The following ZNFX1 variants were observed in gnomAD, a reference collection of about 807,000 sequenced individuals.
ZNFX1 encodes NFX1-type zinc finger-containing protein 1.
Under a neutral mutation model 179.8 loss-of-function variants are expected in ZNFX1, and 78 were observed. The ratio of observed to expected loss-of-function variants is 0.43; its 90% CI spans 0.36 to 0.52. The LOEUF (loss-of-function observed/expected upper bound fraction) is 0.52, where lower values mean the gene tolerates loss of function less well. Ranked by LOEUF, ZNFX1 falls within the 20% of genes least tolerant of loss-of-function variation. The pLI, the probability that ZNFX1 is intolerant of heterozygous loss-of-function variation, is 0.00. For missense variants in ZNFX1, 1,927 were observed against 2,386.6 expected, an observed-to-expected ratio of 0.81 and a Z score of 4.01; for synonymous variants, 848 against 868.5, an observed-to-expected ratio of 0.98 and a Z score of 0.42.
At position 49,275,870 on chromosome 20, in the gene ZNFX1, TTTCTG is replaced by T; in HGVS notation, c.-36_-32del. 1.2e-6 allele frequency: 2 copies of T among 1,612,938 alleles called. No homozygotes were observed. Among genetic ancestry groups the T allele is most frequent in the Non-Finnish European group, 1.7e-6 (2 of 1,178,952 alleles). On this transcript the variant is annotated 5_prime_UTR_variant, in exon 2 of 14. Transcript: ENST00000396105. ...AGTCACCTGAATTCCTTCACGTTAC[TTTCTG>T]TTATCTGGAAAACTGCACATGTTGA... is the stretch of plus-strand genomic sequence containing the variant.
chr20:49,275,203 CG>C (rs1981526906), intron 2 of ZNFX1, among the ~76,000 whole-genome samples: 1 of 152,178 alleles, frequency 6.6e-6, no homozygotes, highest in African/African-American at 2.4e-5. Context: ...CTACACCAAA[CG>C]TCATTTCCCT....
intron 1 of ZNFX1, among the ~76,000 whole-genome samples, chr20:49,277,552 C>A (rs958465443): frequency 6.8e-6 from 1 of 148,036 alleles, no homozygotes; most frequent in Admixed American, 6.8e-5. Context: ...GGGGTAGGGG[C>A]AGAGGAGATC....
At chr20:49,267,176 G>A (rs1419004048) in intron 3 of ZNFX1, among the ~76,000 whole-genome samples, 2 of 152,188 alleles carry the variant, frequency 1.3e-5, no homozygotes, top group South Asian at 2.1e-4. Context: ...GATTACAGGC[G>A]TGAGCCACCA....
At chr20:49,276,934 A>G (rs936715991) in intron 1 of ZNFX1, among the ~76,000 whole-genome samples, 1 of 152,166 alleles carries the variant, frequency 6.6e-6, no homozygotes, top group Non-Finnish European at 1.5e-5. Context: ...CTCCGAGGGG[A>G]AAATTCCTTC....
In ZNFX1 at chr20:49,251,381, T is replaced by A. The variant is rs577638895; in HGVS notation, c.3312+146A>T. 22 of 552,946 alleles carry A rather than the reference T, an allele frequency of 4.0e-5. No homozygotes were observed. In the African/African-American group the frequency reaches 4.2e-4, roughly 10 times the overall value. The allele number at this position is 552,946 out of a possible 1,614,324, so 34.3% of individuals were successfully genotyped here. ...GGTCTCGAACTCTGACCTCAAGTGA[T>A]CTGCCCACCTCAGCTTCCCAAAGTG... On this transcript the variant is annotated intron_variant, in intron 13 of 13. Coordinates refer to ENST00000396105, the MANE Select transcript of ZNFX1 (RefSeq NM_021035.3).
rs1980738152 is a variant in ZNFX1 at position 49,248,508 on chromosome 20, G to A, written c.4516C>T (p.Leu1506=). ...CAGGGTTCCACGCAGGGACTACACA[G>A]CTCCCCACATTTCTTCTTGCACTGG... is the stretch of plus-strand genomic sequence containing the variant. The part of the protein sequence containing the change: ...HSQCKKKCGE[L]CSPCVEPCVW... The change falls in exon 14 of 14, where the codon CTG becomes TTG. Residue 1506 remains leucine (L), a synonymous_variant. Transcript: ENST00000396105. This position sits in a 1 kb window ranked among gnomAD's most constrained non-coding sequence, Gnocchi z 4.6. 2.5e-6 allele frequency: 4 copies of A among 1,614,166 alleles called. No individual in the cohort carries two copies. Among genetic ancestry groups the A allele is most frequent in the Middle Eastern group, 3.3e-4 (2 of 6,060 alleles).
chr20:49,253,089 T>C (rs1980884290), intron 11 of ZNFX1, among the ~76,000 whole-genome samples: 1 of 152,206 alleles, frequency 6.6e-6, no homozygotes, highest in Admixed American at 6.5e-5. Context: ...GACACTAGCA[T>C]GGCAGAAGTT....
At chr20:49,271,855 C>T in intron 2 of ZNFX1, 105 bp from the exon 3 acceptor site, 3 of 1,347,486 alleles carry the variant, frequency 2.2e-6, no homozygotes, top group Non-Finnish European at 3.0e-6. Flanking sequence ...CTAAAGAGCT[C>T]AGGTTTTATA....
intron 3 of ZNFX1, 96 bp downstream of exon 3, chr20:49,269,846 T>C: frequency 1.4e-6 from 2 of 1,415,392 alleles, no homozygotes; most frequent in Non-Finnish European, 9.5e-7. Context: ...ATAAAATAAG[T>C]AAATAAGAAG....
chr20:49,270,889 T>C lies in ZNFX1; in HGVS notation c.923A>G (p.Lys308Arg). 1 of 1,614,166 alleles carries C rather than the reference T, an allele frequency of 6.2e-7. No homozygotes were observed. Among genetic ancestry groups the C allele is most frequent in the Non-Finnish European group, 8.5e-7 (1 of 1,180,022 alleles). Reference sequence around the variant, plus strand: ...CACTCTCAAAGTGCCCTCTCGCCTCTTTTCCTGCAGATGTTCAATGATAGT... The same window carrying C: ...CACTCTCAAAGTGCCCTCTCGCCTCCTTTCCTGCAGATGTTCAATGATAGT... Reference protein sequence around the residue: ...VQTIIEHLQEKRREGTLRVDT... With the variant: ...VQTIIEHLQERRREGTLRVDT... The change falls in exon 3 of 14, where the codon AAG (lysine) becomes AGG (arginine). Residue 308 changes from lysine (K) to arginine (R), a missense_variant. By Grantham distance (26) the Lys-to-Arg change is conservative. Coordinates refer to ENST00000396105, the MANE Select transcript of ZNFX1 (RefSeq NM_021035.3). This position sits in a 1 kb window ranked among gnomAD's most constrained non-coding sequence, Gnocchi z 4.6.
chr20:49,254,792 A>G, intron 9 of ZNFX1, 143 bp from the exon 10 acceptor site: 1 of 878,876 alleles, frequency 1.1e-6, no homozygotes, highest in Non-Finnish European at 1.7e-6. Context: ...TCAGGGACCT[A>G]AGAATCCAAA....
intron 1 of ZNFX1, among the ~76,000 whole-genome samples, chr20:49,276,898 TAG>T (rs1161938462): frequency 6.6e-6 from 1 of 152,244 alleles, no homozygotes; most frequent in East Asian, 1.9e-4. Context: ...GCTCAGTATT[TAG>T]AGTTTGTTTG....
chr20:49,254,777 T>C, intron 9 of ZNFX1, 128 bp from the exon 10 acceptor site: 1 of 1,068,614 alleles, frequency 9.4e-7, no homozygotes, highest in South Asian at 1.7e-5. Context: ...AACAGAGAGA[T>C]ACATTCAGGG....
chr20:49,275,054 C>T (rs1300614942), intron 2 of ZNFX1, among the ~76,000 whole-genome samples: 9 of 148,988 alleles, frequency 6.0e-5, no homozygotes, highest in East Asian at 2.0e-4. Context: ...ACCCGGGAGG[C>T]GGAGCTTGCA....
intron 3 of ZNFX1, among the ~76,000 whole-genome samples, chr20:49,269,680 C>T (rs147447692): frequency 6.0e-4 from 92 of 152,118 alleles, no homozygotes; most frequent in African/African-American, 2.1e-3. Flanking sequence ...GACTCTGTCT[C>T]CAAAAACAAT....
At chr20:49,255,768 G>A (rs557326158) in intron 9 of ZNFX1, 40 bp downstream of exon 9, 1 of 1,566,932 alleles carries the variant, frequency 6.4e-7, no homozygotes, top group African/African-American at 1.4e-5. Flanking sequence ...AACAGAAGAG[G>A]AACTCCCTAC....
rs752272600 is a variant in ZNFX1, at chr20:49,270,199, T to C, written c.1613A>G (p.Glu538Gly). 1.2e-6 allele frequency: 2 copies of C among 1,614,046 alleles called. No homozygotes were observed. Among genetic ancestry groups the C allele is most frequent in the Non-Finnish European group, 8.5e-7 (1 of 1,180,040 alleles). Residue 538 changes from glutamate to glycine, a missense_variant, in exon 3 of 14, where the codon GAG (glutamate) becomes GGG (glycine). Transcript: ENST00000396105. The surrounding 1 kb of genome is among the most constrained non-coding windows in gnomAD (Gnocchi z 4.6). Reference protein sequence around the residue: ...EDVPFQRNIVECNSHVKEPRY... With the variant: ...EDVPFQRNIVGCNSHVKEPRY... ...TGGCTCCTTCACATGAGAGTTACACTCCACGATATTCCTCTGGAAGGGAAC... is the reference window on the plus strand; with the variant it reads ...TGGCTCCTTCACATGAGAGTTACACCCCACGATATTCCTCTGGAAGGGAAC...
rs149737193 is a variant in ZNFX1, at chr20:49,260,945, G to A, written c.2302-368C>T. On this transcript the variant is annotated intron_variant, in intron 6 of 13. Coordinates refer to ENST00000396105, the MANE Select transcript of ZNFX1 (RefSeq NM_021035.3). ...AAACTACAAAAATTAGCCAGGCATA[G>A]TGGTGCATGCCTGTAGTCCCAGCTA... Among the ~76,000 whole-genome samples, 924 of 152,342 alleles carry A rather than the reference G, an allele frequency of 6.1e-3. 5 individuals carry two copies. Among genetic ancestry groups the A allele is most frequent in the Middle Eastern group, 0.024 (7 of 294 alleles).
In ZNFX1 at chr20:49,257,660, C is replaced by T; in HGVS notation, c.2421G>A (p.Gln807=). The T allele has an allele frequency of 6.2e-7, 1 of 1,613,618 alleles. No individual in the cohort carries two copies. The highest frequency in any genetic ancestry group is 8.5e-7 in the Non-Finnish European group (1 of 1,179,958). Residue 807 remains glutamine, a synonymous_variant, in exon 8 of 14, where the codon CAG becomes CAA. Transcript: ENST00000396105. ...VSPAGPENTA[Q]AEGDEEEEGE... is the part of the protein sequence containing the mutation. ...CTTCTTCCTCCTCATCCCCTTCTGC[C>T]TGGGCTAAGAGAGAGAAACAGGCAG... is the stretch of plus-strand genomic sequence containing the variant.
Sources: allele counts gnomAD v4.1 joint callset (sites outside exome capture counted in the v4.1 genomes callset), GRCh38; gene constraint gnomAD v4.1.1; non-coding constraint Gnocchi (gnomAD v3.1); transcripts MANE v1.5; gene names NCBI Gene and HGNC (gene_info 2026-07-23, HGNC 2026-07-21).